The following PALLD variants were observed in gnomAD, a reference collection of about 807,000 sequenced individuals.
PALLD encodes the protein palladin.
A neutral mutation model predicts 123.5 loss-of-function variants in PALLD; 61 were observed. That is an observed-to-expected ratio of 0.49 (90% CI 0.40 to 0.61). PALLD has a LOEUF of 0.61. Ranked by LOEUF, PALLD falls within the 20% of genes least tolerant of loss-of-function variation. The pLI, the probability that PALLD is intolerant of heterozygous loss-of-function variation, is 0.00. For missense variants in PALLD, 1,273 were observed against 1,377.0 expected (o/e 0.92, Z 1.20); for synonymous variants, 465 against 496.4 (o/e 0.94, Z 0.84).
intron 10 of PALLD, among the ~76,000 whole-genome samples, chr4:168,863,176 T>C (rs191452611): frequency 6.6e-6 from 1 of 152,262 alleles, no homozygotes; most frequent in African/African-American, 2.4e-5. Context: ...CTACTCAAGT[T>C]TGGAACCATT....
At chr4:168,719,808 CT>C (rs1442611073) in intron 10 of PALLD, among the ~76,000 whole-genome samples, 5 of 152,174 alleles carry the variant, frequency 3.3e-5, no homozygotes, top group African/African-American at 1.2e-4. Context: ...TAAGCTGTCA[CT>C]TCTGAGTAAG....
intron 10 of PALLD, among the ~76,000 whole-genome samples, chr4:168,718,485 C>T (rs182127965): frequency 5.5e-4 from 84 of 152,198 alleles, no homozygotes; most frequent in South Asian, 1.0e-3. Flanking sequence ...TTAAATCATC[C>T]GTAATTTCCA....
In PALLD at chr4:168,927,770, A is replaced by AGACTT. The variant is rs1201503764; in HGVS notation, c.*1593_*1597dup. On this transcript the variant is annotated 3_prime_UTR_variant, in exon 22 of 22. Coordinates refer to ENST00000505667, the MANE Select transcript of PALLD (RefSeq NM_001166108.2). ...CAGCTAGACTGAGTTGATTCTGACC[A>AGACTT]GACTTGATGGTTTTAAGTCGGAACC... 1 of 221,054 alleles carries AGACTT rather than the reference A, an allele frequency of 4.5e-6. No homozygotes were observed. Among genetic ancestry groups the AGACTT allele is most frequent in the African/African-American group, 2.2e-5 (1 of 44,654 alleles). The allele number at this position is 221,054 out of a possible 1,614,324, so 13.7% of individuals were successfully genotyped here.
At chr4:168,771,072 A>AC (rs59386169) in intron 10 of PALLD, among the ~76,000 whole-genome samples, 8 of 15,798 alleles carry the variant, frequency 5.1e-4, no homozygotes, top group Non-Finnish European at 1.2e-3. Context: ...CAAAAAAAAA[A>AC]AAACAAAAAA....
chr4:168,722,865 A>G (rs1401547207), intron 10 of PALLD, among the ~76,000 whole-genome samples: 1 of 152,232 alleles, frequency 6.6e-6, no homozygotes, highest in Non-Finnish European at 1.5e-5. Context: ...GGTTCAGAAA[A>G]GGAAACAGAT....
At chr4:168,745,498 G>C (rs1730167532) in intron 10 of PALLD, among the ~76,000 whole-genome samples, 1 of 151,678 alleles carries the variant, frequency 6.6e-6, no homozygotes, top group Admixed American at 6.6e-5. Flanking sequence ...TCTTCAACTG[G>C]AATAGTTAGG....
chr4:168,739,884 T>G (rs533401053), intron 10 of PALLD, among the ~76,000 whole-genome samples: 82 of 152,208 alleles, frequency 5.4e-4, no homozygotes, highest in Non-Finnish European at 7.3e-4. Context: ...CTAATTAGAA[T>G]TCTTGTCCCT....
chr4:168,869,733 CAT>C lies in PALLD; in HGVS notation c.1965-21187_1965-21186del, dbSNP rs1750822034. Among the ~76,000 whole-genome samples the C allele has an allele frequency of 6.6e-6, 1 of 152,066 alleles. No individual in the cohort carries two copies. Among genetic ancestry groups the C allele is most frequent in the Non-Finnish European group, 1.5e-5 (1 of 68,006 alleles). On this transcript the variant is annotated intron_variant, in intron 10 of 21. Transcript: ENST00000505667. This position sits in a 1 kb window ranked among gnomAD's most constrained non-coding sequence, Gnocchi z 4.5. ...CAGGGTGAGAGGAGCTCTGTCTAGA[CAT>C]AAGTTTGAAGTGAAGTAGCACATTT...
intron 10 of PALLD, among the ~76,000 whole-genome samples, chr4:168,761,693 G>C (rs1411618130): frequency 1.6e-5 from 1 of 63,058 alleles, no homozygotes; most frequent in African/African-American, 5.2e-5. Flanking sequence ...TTTTGTTTTG[G>C]TAGAGACGGG....
intron 8 of PALLD, among the ~76,000 whole-genome samples, chr4:168,692,267 G>A (rs1782704435): frequency 6.6e-6 from 1 of 152,140 alleles, no homozygotes; most frequent in Non-Finnish European, 1.5e-5. Context: ...TAAAAGCAGA[G>A]TTTGACCCTA....
chr4:168,682,926 T>G (rs1451813987), intron 4 of PALLD, 72 bp from the exon 5 acceptor site: 4 of 841,098 alleles, frequency 4.8e-6, no homozygotes, highest in Non-Finnish European at 7.8e-6. Flanking sequence ...GAATTATTTC[T>G]GCTAAAAAAA....
chr4:168,735,672 A>G (rs1787674645), intron 10 of PALLD, among the ~76,000 whole-genome samples: 1 of 152,148 alleles, frequency 6.6e-6, no homozygotes, highest in Non-Finnish European at 1.5e-5. Context: ...TCTAGTATAC[A>G]TAGTCAACAA....
chr4:168,923,225 C>G (rs1761933151), intron 18 of PALLD, among the ~76,000 whole-genome samples: 1 of 152,184 alleles, frequency 6.6e-6, no homozygotes, highest in Admixed American at 6.5e-5. Flanking sequence ...CCCAGAATAG[C>G]CTAGGATGGG....
chr4:168,779,956 TG>T (rs1388104623), intron 10 of PALLD, among the ~76,000 whole-genome samples: 2 of 152,006 alleles, frequency 1.3e-5, no homozygotes, highest in Non-Finnish European at 2.9e-5. Flanking sequence ...TGCACTGCAG[TG>T]GCGTGATCTC....
intron 2 of PALLD, among the ~76,000 whole-genome samples, chr4:168,587,608 C>A (rs1770966041): frequency 6.6e-6 from 1 of 152,128 alleles, no homozygotes; most frequent in South Asian, 2.1e-4. Context: ...TTTTCTCAAA[C>A]CTCAGCTTGC....
intron 1 of PALLD, chr4:168,506,022 G>A (rs1761966317): frequency 6.6e-6 from 1 of 152,048 alleles, no homozygotes; most frequent in African/African-American, 2.4e-5. Context: ...TATGTCAAAG[G>A]CCACCTATTC....
intron 10 of PALLD, among the ~76,000 whole-genome samples, chr4:168,775,266 G>A (rs1056785600): frequency 2.6e-5 from 4 of 152,058 alleles, no homozygotes; most frequent in African/African-American, 9.7e-5. Context: ...TTTCATCGTG[G>A]TTTTAATTTG....
intron 15 of PALLD, among the ~76,000 whole-genome samples, chr4:168,904,678 GA>G (rs899817345): frequency 8.1e-5 from 12 of 149,008 alleles, no homozygotes; most frequent in South Asian, 2.1e-4. Context: ...CTTTTAAAAA[GA>G]AAAAAAAAGG....
At chr4:168,675,818 G>A (rs904600515) in intron 3 of PALLD, among the ~76,000 whole-genome samples, 3 of 152,210 alleles carry the variant, frequency 2.0e-5, no homozygotes, top group African/African-American at 7.2e-5. Context: ...CACTTTGGGA[G>A]GCTGAGGCAG....
Sources: gnomAD v4.1 joint callset for allele counts (sites outside exome capture counted in the v4.1 genomes callset) on GRCh38, gnomAD v4.1.1 for gene constraint, Gnocchi (gnomAD v3.1) non-coding constraint, MANE v1.5 for transcripts, NCBI Gene and HGNC (gene_info 2026-07-23, HGNC 2026-07-21) for gene names.